TOR2A: variants seen among roughly 807,000 people sequenced by gnomAD.
TOR2A encodes prosalusin.
A neutral mutation model predicts 28.6 loss-of-function variants in TOR2A; 24 were observed. That is an observed-to-expected ratio of 0.84 (90% CI 0.61 to 1.18). The LOEUF is 1.18. Ranked by LOEUF, TOR2A falls within the 50% of genes most tolerant of loss-of-function variation. TOR2A has a pLI of 0.00. For synonymous variants in TOR2A, 203 were observed against 203.1 expected (o/e 1.00, Z 0.00); for missense variants, 426 against 448.1 (o/e 0.95, Z 0.45).
Position 127,732,634 on chromosome 9 carries a change from C to T in TOR2A, c.651G>A (p.Arg217=). ...CCTGCAGGAGGATCTCCTCGCGGTC[C>T]CGCCGGCTGCGCCACGCCTCCAATG... is the stretch of plus-strand genomic sequence containing the variant. ...QVALEAWRSR[R]DREEILLQEL... is the part of the protein sequence containing the mutation. Residue 217 remains arginine (R), a synonymous_variant, in exon 4 of 5, where the codon CGG becomes CGA. Transcript: ENST00000373284. 1 of 1,573,268 alleles carries T rather than the reference C, an allele frequency of 6.4e-7. No homozygotes were observed. Among genetic ancestry groups the T allele is most frequent in the South Asian group, 1.2e-5 (1 of 85,830 alleles).
chr9:127,732,269 G>C lies in TOR2A; in HGVS notation c.731C>G (p.Ser244Ter). The change falls in exon 5 of 5, where the codon TCA becomes TGA. Residue 244 changes from serine (S) to a stop codon, truncating the protein, a stop_gained. Coordinates refer to ENST00000373284, the MANE Select transcript of TOR2A (RefSeq NM_001085347.3). LOFTEE classifies it high-confidence loss of function. ...GCGCTCTTCCATGATGCCCGAGTTT[G>C]AGAAGCCATCTGCAGGAAGGGTAGG... ...AVLDNPHHGF[S>*]NSGIMEERLL... 9 of 1,579,514 alleles carry C rather than the reference G, an allele frequency of 5.7e-6. No individual in the cohort carries two copies. Among genetic ancestry groups the C allele is most frequent in the Non-Finnish European group, 6.9e-6 (8 of 1,158,538 alleles).
chr9:127,731,777 T>TA lies in TOR2A; in HGVS notation c.*256dup, dbSNP rs1844434914. ...ACAGTCCCTGAGTTATAATTCACAG[T>TA]AAGAAGGCTCAGGCTGCAGGGGGAG... On this transcript the variant is annotated 3_prime_UTR_variant, in exon 5 of 5. Coordinates refer to ENST00000373284, the MANE Select transcript of TOR2A (RefSeq NM_001085347.3). 1.4e-6 allele frequency: 1 copy of TA among 724,320 alleles called. No individual in the cohort carries two copies. The highest frequency in any genetic ancestry group is 3.0e-5 in the East Asian group (1 of 33,300). 44.9% of individuals were successfully genotyped at this position (724,320 alleles called of 1,614,324 possible).
intron 4 of TOR2A, 75 bp downstream of exon 4, chr9:127,732,489 A>T (rs575963797): frequency 2.4e-5 from 36 of 1,482,034 alleles, no homozygotes; most frequent in Non-Finnish European, 1.8e-6. Context: ...TGGGCAAAGC[A>T]TGAGACCCCG....
rs769723614 is a variant in TOR2A at position 127,734,377 on chromosome 9, G to A, written c.339C>T (p.Gly113=). The A allele has an allele frequency of 6.2e-7, 1 of 1,612,420 alleles. No individual in the cohort carries two copies. Among genetic ancestry groups the A allele is most frequent in the South Asian group, 1.1e-5 (1 of 91,026 alleles). Residue 113 remains glycine (G), a synonymous_variant, in exon 2 of 5, where the codon GGC becomes GGT. Transcript: ENST00000373284. The stretch of plus-strand genomic sequence containing the variant: ...GGTGCACGCGGGGGCTGCGGAGGCC[G>A]CCCTGGAAGAGGTAGTGCGCCAGCA... ...SSLLAHYLFQ[G]GLRSPRVHHF...
At chr9:127,733,131 ACTT>A (rs1261208758) in intron 3 of TOR2A, 10 of 1,524,276 alleles carry the variant, frequency 6.6e-6, no homozygotes, top group Non-Finnish European at 7.9e-6. Flanking sequence ...AAGAGGGAAA[ACTT>A]CTTGACCTGG....
intron 4 of TOR2A, 113 bp downstream of exon 4, chr9:127,732,451 A>G: frequency 1.4e-6 from 2 of 1,450,132 alleles, no homozygotes; most frequent in Non-Finnish European, 1.8e-6. Flanking sequence ...TGGGAGTGCC[A>G]AAGCCAGGCT....
At chr9:127,733,349 C>T in intron 3 of TOR2A, 36 bp downstream of exon 3, 2 of 1,613,482 alleles carry the variant, frequency 1.2e-6, no homozygotes, top group Non-Finnish European at 1.7e-6. Flanking sequence ...TGAGAAGTGG[C>T]CCCCCCACTG....
At position 127,732,065 on chromosome 9, in the gene TOR2A, G is replaced by A. The variant is rs1167525836; in HGVS notation, c.935C>T (p.Thr312Ile). Residue 312 changes from threonine to isoleucine, a missense_variant, in exon 5 of 5, where the codon ACC (threonine) becomes ATC (isoleucine). Thr to Ile is a moderately conservative substitution (Grantham distance 89, BLOSUM62 -1). Coordinates refer to ENST00000373284, the MANE Select transcript of TOR2A (RefSeq NM_001085347.3). ...EQLFSSNGCKTVASRIAFFL is the reference protein window; with the variant it reads ...EQLFSSNGCKIVASRIAFFL ...GAAGAAGGCGATTCGGGAGGCCACGGTCTTGCAGCCGTTGGAGGAGAAGAG... is the reference window on the plus strand; with the variant it reads ...GAAGAAGGCGATTCGGGAGGCCACGATCTTGCAGCCGTTGGAGGAGAAGAG... The A allele has an allele frequency of 1.2e-6, 2 of 1,613,868 alleles. No homozygotes were observed. Among genetic ancestry groups the A allele is most frequent in the Non-Finnish European group, 1.7e-6 (2 of 1,180,004 alleles).
chr9:127,732,360 A>G, intron 4 of TOR2A, 82 bp from the exon 5 acceptor site: 1 of 1,498,426 alleles, frequency 6.7e-7, no homozygotes, highest in South Asian at 1.4e-5. Context: ...GGGCAGGAGG[A>G]AAAATGCTGG....
rs1844422494 is a variant in TOR2A, at chr9:127,731,645, G to A, written c.*389C>T. 3.1e-6 allele frequency: 3 copies of A among 970,118 alleles called. No individual in the cohort carries two copies. The East Asian group carries it at 8.4e-5, about 27-fold the overall frequency. 60.1% of individuals were successfully genotyped at this position (970,118 alleles called of 1,614,324 possible). The stretch of plus-strand genomic sequence containing the variant: ...CTGGAAACTGAGAAGGCTCCACCTG[G>A]CTTGATATGGACACAGGGTGTGGGG... On this transcript the variant is annotated 3_prime_UTR_variant, in exon 5 of 5. Coordinates refer to ENST00000373284, the MANE Select transcript of TOR2A (RefSeq NM_001085347.3).
Position 127,734,318 on chromosome 9 carries a change from C to CT in TOR2A, c.397dup (p.Ser133LysfsTer30). 3 of 1,600,032 alleles carry CT rather than the reference C, an allele frequency of 1.9e-6. No individual in the cohort carries two copies. Among genetic ancestry groups the CT allele is most frequent in the Non-Finnish European group, 1.7e-6 (2 of 1,172,778 alleles). ...GCCTACCTTGTAGCGCTCGATGTGGCTGGGGTGGGGGAAGTGGAGGACGGG... is the reference window on the plus strand; with the variant it reads ...GCCTACCTTGTAGCGCTCGATGTGGCTTGGGGTGGGGGAAGTGGAGGACGGG... On this transcript the variant is annotated frameshift_variant, in exon 2 of 5. Coordinates refer to ENST00000373284, the MANE Select transcript of TOR2A (RefSeq NM_001085347.3). LOFTEE classifies it high-confidence loss of function.
rs761246198 is a variant in TOR2A, at chr9:127,732,525, G to A, written c.721+39C>T. ...GGAGAGCCTGGCCCCTGGGTGTGGG[G>A]TGAAGCTGCCCGGGAGGGGGCTGCT... On this transcript the variant is annotated intron_variant, in intron 4 of 4. Coordinates refer to ENST00000373284, the MANE Select transcript of TOR2A (RefSeq NM_001085347.3). 9.7e-6 allele frequency: 15 copies of A among 1,547,660 alleles called. No homozygotes were observed. The East Asian group carries it at 2.5e-4, about 26-fold the overall frequency.
At chr9:127,733,888 G>A (rs1377363856) in intron 2 of TOR2A, 1 of 428,588 alleles carries the variant, frequency 2.3e-6, no homozygotes, top group Non-Finnish European at 4.2e-6. Context: ...GGCTGAAACT[G>A]ATCAGCCTGG....
intron 2 of TOR2A, 140 bp downstream of exon 2, chr9:127,734,159 C>G: frequency 8.7e-7 from 1 of 1,144,152 alleles, no homozygotes; most frequent in South Asian, 1.9e-5. Flanking sequence ...TTCCCAAGTT[C>G]TGTGCAGGAT....
Position 127,733,423 on chromosome 9 carries a change from G to C in TOR2A, c.555C>G (p.Tyr185Ter), listed in dbSNP as rs182202164. 1.9e-6 allele frequency: 3 copies of C among 1,613,790 alleles called. 1 individual carries two copies. Residue 185 changes from tyrosine (Y) to a stop codon, truncating the protein, a stop_gained, in exon 3 of 5, where the codon TAC (tyrosine) becomes TAG (stop). Coordinates refer to ENST00000373284, the MANE Select transcript of TOR2A (RefSeq NM_001085347.3). LOFTEE classifies it high-confidence loss of function. ...RPFLGSSWVV[Y>*]GTNYRKAIFI... is the part of the protein sequence containing the mutation. ...AGATGGCTTTGCGGTAATTGGTCCC[G>C]TATACCACCCAGGAGGAGCCCAGGA...
At position 127,732,158 on chromosome 9, in the gene TOR2A, A is replaced by C. The variant is rs1564400219; in HGVS notation, c.842T>G (p.Leu281Arg). ...CVLNELAQLG[L>R]EPRDEVVQAV... ...CTGGACAACCTCATCCCTTGGCTCC[A>C]GGCCCAGCTGGGCCAGCTCGTTGAG... Residue 281 changes from leucine to arginine, a missense_variant, in exon 5 of 5, where the codon CTG becomes CGG. Physicochemically the swap from Leu to Arg is moderately radical, Grantham distance 102. Transcript: ENST00000373284. 6.2e-7 allele frequency: 1 copy of C among 1,613,546 alleles called. No homozygotes were observed. The highest frequency in any genetic ancestry group is 8.5e-7 in the Non-Finnish European group (1 of 1,180,008).
intron 2 of TOR2A, chr9:127,733,937 A>T: frequency 2.5e-6 from 1 of 397,862 alleles, no homozygotes; most frequent in Non-Finnish European, 4.5e-6. Context: ...AGTAAGAGCC[A>T]ATATTTCCTG....
At position 127,733,408 on chromosome 9, in the gene TOR2A, G is replaced by A. The variant is rs754071272; in HGVS notation, c.570C>T (p.Arg190=). 7 of 1,613,760 alleles carry A rather than the reference G, an allele frequency of 4.3e-6. 1 individual carries two copies. The South Asian group carries it at 6.6e-5, about 15-fold the overall frequency. ...ACCTGATGAAGATGAAGATGGCTTT[G>A]CGGTAATTGGTCCCGTATACCACCC... ...SSWVVYGTNY[R]KAIFIFISNT... Residue 190 remains arginine, a synonymous_variant, in exon 3 of 5, where the codon CGC becomes CGT. Transcript: ENST00000373284.
rs1844444857 is a variant in TOR2A at position 127,731,941 on chromosome 9, T to A, written c.*93A>T. Reference sequence around the variant, plus strand: ...CGTGGCCTAGCCGACACTCCGTTCATCTCACTTGGTGCTCTGGGTTCCTGT... The same window carrying A: ...CGTGGCCTAGCCGACACTCCGTTCAACTCACTTGGTGCTCTGGGTTCCTGT... On this transcript the variant is annotated 3_prime_UTR_variant, in exon 5 of 5. Coordinates refer to ENST00000373284, the MANE Select transcript of TOR2A (RefSeq NM_001085347.3). The A allele has an allele frequency of 6.6e-7, 1 of 1,523,552 alleles. No individual in the cohort carries two copies. The highest frequency in any genetic ancestry group is 1.4e-5 in the African/African-American group (1 of 72,156). 94.4% of individuals were successfully genotyped at this position (1,523,552 alleles called of 1,614,324 possible). A position where few individuals can be genotyped will look rare whatever the true frequency, so the allele number is the denominator to read the frequency against.
Sources: allele counts gnomAD v4.1 joint callset, GRCh38; gene constraint gnomAD v4.1.1; transcripts MANE v1.5; gene names NCBI Gene and HGNC (gene_info 2026-07-23, HGNC 2026-07-21).